SYNPO2: variants seen among roughly 807,000 people sequenced by gnomAD.
SYNPO2 encodes synaptopodin 2, also known as synaptopodin-2.
SYNPO2 carries 56 observed loss-of-function variants against 85.0 expected under a neutral mutation model. The ratio of observed to expected loss-of-function variants is 0.66; its 90% CI spans 0.53 to 0.82. The LOEUF (loss-of-function observed/expected upper bound fraction) is 0.82, where lower values mean the gene tolerates loss of function less well. Ranked by LOEUF, SYNPO2 falls within the 40% of genes least tolerant of loss-of-function variation. SYNPO2 has a pLI of 0.00. For synonymous variants in SYNPO2, 602 were observed against 591.1 expected, an observed-to-expected ratio of 1.02 and a Z score of -0.27; for missense variants, 1,575 against 1,534.2, an observed-to-expected ratio of 1.03 and a Z score of -0.44.
intron 1 of SYNPO2, among the ~76,000 whole-genome samples, chr4:118,936,545 C>G (rs1021830721): frequency 6.6e-6 from 1 of 152,126 alleles, no homozygotes; most frequent in Non-Finnish European, 1.5e-5. Context: ...ACTCTCAGGT[C>G]ACTGACATTA....
At chr4:119,021,736 G>A (rs1319634534) in intron 1 of SYNPO2, among the ~76,000 whole-genome samples, 2 of 152,170 alleles carry the variant, frequency 1.3e-5, no homozygotes, top group Non-Finnish European at 2.9e-5. Context: ...TTGAGAGCAG[G>A]AAACTATTAT....
At chr4:118,919,283 T>C (rs1245361980) in intron 1 of SYNPO2, among the ~76,000 whole-genome samples, 1 of 152,192 alleles carries the variant, frequency 6.6e-6, no homozygotes. Context: ...CAAGCTTGTT[T>C]CCTTGTCAGT....
rs1455548322 is a variant in SYNPO2 at position 118,888,876 on chromosome 4, T to C, written c.-161T>C. 2.8e-6 allele frequency: 2 copies of C among 715,126 alleles called. No homozygotes were observed. Among genetic ancestry groups the C allele is most frequent in the Non-Finnish European group, 4.8e-6 (2 of 420,642 alleles). The allele number at this position is 715,126 out of a possible 1,614,324, so 44.3% of individuals were successfully genotyped here. A position where few individuals can be genotyped will look rare whatever the true frequency, so the allele number is the denominator to read the frequency against. Reference sequence around the variant, plus strand: ...GCCGCACAAATTCGCAGCAGGCGGCTGGGGCGGCGGCTGGGGCAGCGGCTG... The same window carrying C: ...GCCGCACAAATTCGCAGCAGGCGGCCGGGGCGGCGGCTGGGGCAGCGGCTG... On this transcript the variant is annotated 5_prime_UTR_variant, in exon 1 of 5. Transcript: ENST00000307142.
At chr4:119,053,696 T>C (rs1430691339) in intron 4 of SYNPO2, among the ~76,000 whole-genome samples, 4 of 152,344 alleles carry the variant, frequency 2.6e-5, no homozygotes, top group African/African-American at 9.6e-5. Context: ...ATAAATTCTG[T>C]CAAGTTTCAA....
intron 4 of SYNPO2, chr4:119,032,791 AGGAGGACTGCTTGAGGCCGGGAGTT>A (rs1261020704): frequency 5.8e-6 from 5 of 861,450 alleles, no homozygotes; most frequent in Middle Eastern, 6.0e-4. Context: ...AGGCTGAGGT[AGGAGGACTGCTTGAGGCCGGGAGTT>A]GGAGACCAGC....
chr4:119,007,811 A>G (rs1314732101), intron 1 of SYNPO2, among the ~76,000 whole-genome samples: 1 of 152,148 alleles, frequency 6.6e-6, no homozygotes, highest in Non-Finnish European at 1.5e-5. Context: ...TTATACACTT[A>G]TATGTGAACA....
intron 4 of SYNPO2, chr4:119,034,426 C>CA (rs536624568): frequency 1.0e-6 from 1 of 984,724 alleles, no homozygotes; most frequent in Non-Finnish European, 1.2e-6. Context: ...GGACAGGTGG[C>CA]AATCTTAGCA....
intron 1 of SYNPO2, among the ~76,000 whole-genome samples, chr4:118,874,494 C>G (rs1731865336): frequency 6.6e-6 from 1 of 152,138 alleles, no homozygotes; most frequent in Non-Finnish European, 1.5e-5. Context: ...GGAACTAAAA[C>G]CAGTGGACAC....
At chr4:118,919,937 G>T (rs1383941579) in intron 1 of SYNPO2, among the ~76,000 whole-genome samples, 1 of 152,190 alleles carries the variant, frequency 6.6e-6, no homozygotes, top group Non-Finnish European at 1.5e-5. Flanking sequence ...ATGGCAATGG[G>T]AATCCACCAC....
At chr4:118,914,912 T>C (rs1733260299) in intron 1 of SYNPO2, among the ~76,000 whole-genome samples, 1 of 151,844 alleles carries the variant, frequency 6.6e-6, no homozygotes, top group African/African-American at 2.4e-5. Context: ...TAGAATTCAC[T>C]GAAGTTTGTG....
In SYNPO2 at chr4:119,011,278, C is replaced by T. The variant is rs549981682; in HGVS notation, c.106-12152C>T. On this transcript the variant is annotated intron_variant, in intron 1 of 4. Transcript: ENST00000307142. ...ACCTGGGGTAGTGCCTCTGCTCCAG[C>T]GCCTCACTCTACTTCGATGCATATG... is the stretch of plus-strand genomic sequence containing the variant. Among the ~76,000 whole-genome samples the T allele has an allele frequency of 3.9e-5, 6 of 152,310 alleles. No homozygotes were observed. The South Asian group carries it at 8.3e-4, about 21-fold the overall frequency.
Position 118,901,386 on chromosome 4 carries a change from CTGT to C in SYNPO2, c.105+12246_105+12248del, listed in dbSNP as rs569032570. 1.3e-3 allele frequency among the ~76,000 whole-genome samples: 193 copies of C among 152,354 alleles called. 1 individual carries two copies. Among genetic ancestry groups the C allele is most frequent in the African/African-American group, 4.4e-3 (183 of 41,584 alleles). On this transcript the variant is annotated intron_variant, in intron 1 of 4. Transcript: ENST00000307142. ...TAAGACACAATAAGGCAAAGTTCCT[CTGT>C]CACATATTCCAAATAACCCATATTC...
chr4:119,037,428 C>G (rs1310895496), intron 4 of SYNPO2: 36 of 1,145,126 alleles, frequency 3.1e-5, no homozygotes, highest in Non-Finnish European at 3.8e-5. Context: ...AAATGTTCTT[C>G]TTGGAAGTAA....
chr4:119,032,299 A>G, intron 4 of SYNPO2: 1 of 1,360,234 alleles, frequency 7.4e-7, no homozygotes, highest in South Asian at 1.7e-5. Flanking sequence ...ATAGACATGT[A>G]CCGTTATATT....
In SYNPO2 at chr4:119,057,534, C is replaced by T. The variant is rs1488680683; in HGVS notation, c.3386C>T (p.Pro1129Leu). Residue 1129 changes from proline (P) to leucine (L), a missense_variant, in exon 5 of 5, where the codon CCA becomes CTA. This residue lies in a region of SYNPO2 where 1,508 missense variants were observed against 1,446.8 expected (regional missense o/e 1.04). Transcript: ENST00000307142. ...TDGLEKANKRPTPWEAAAKSP... is the reference protein window; with the variant it reads ...TDGLEKANKRLTPWEAAAKSP... Reference sequence around the variant, plus strand: ...GGACTAGAGAAAGCAAACAAGAGACCAACTCCTTGGGAAGCAGCAGCAAAG... The same window carrying T: ...GGACTAGAGAAAGCAAACAAGAGACTAACTCCTTGGGAAGCAGCAGCAAAG... The T allele has an allele frequency of 2.5e-6, 4 of 1,613,878 alleles. No homozygotes were observed. Among genetic ancestry groups the T allele is most frequent in the African/African-American group, 2.7e-5 (2 of 74,860 alleles).
At chr4:118,926,037 C>T (rs1277421613) in intron 1 of SYNPO2, among the ~76,000 whole-genome samples, 1 of 152,108 alleles carries the variant, frequency 6.6e-6, no homozygotes, top group Non-Finnish European at 1.5e-5. Context: ...GTAGATTATC[C>T]ACCAGGCAGA....
At chr4:119,032,720 CTTAT>C (rs1399323266) in intron 4 of SYNPO2, 3 of 953,584 alleles carry the variant, frequency 3.1e-6, no homozygotes, top group East Asian at 1.2e-4. Context: ...TTTCAGAAAA[CTTAT>C]TTAAAGTAAA....
intron 1 of SYNPO2, among the ~76,000 whole-genome samples, chr4:118,858,166 C>T (rs1464363918): frequency 1.3e-5 from 2 of 152,144 alleles, no homozygotes; most frequent in Non-Finnish European, 2.9e-5. Context: ...ATGGTGACAT[C>T]TTCTCTATTG....
chr4:118,993,693 G>A (rs2149169218), intron 1 of SYNPO2, among the ~76,000 whole-genome samples: 1 of 152,288 alleles, frequency 6.6e-6, no homozygotes, highest in South Asian at 2.1e-4. Context: ...ATTTCTAGAT[G>A]TTTGTATAAG....
Sources: allele counts gnomAD v4.1 joint callset (sites outside exome capture counted in the v4.1 genomes callset), GRCh38; gene constraint gnomAD v4.1.1; regional missense constraint gnomAD v4.1.1; transcripts MANE v1.5; gene names NCBI Gene and HGNC (gene_info 2026-07-23, HGNC 2026-07-21).